The following TTC23 variants were observed in gnomAD, a reference collection of about 807,000 sequenced individuals.
TTC23 encodes tetratricopeptide repeat domain 23.
In TTC23, 58 loss-of-function variants were observed where a neutral mutation model predicts 55.1. The observed-to-expected ratio is 1.05, with a 90% CI of 0.85 to 1.31. TTC23 has a LOEUF of 1.31. Among genes scored for constraint, TTC23 ranks in the 50% most tolerant of loss-of-function variants. The pLI, the probability that TTC23 is intolerant of heterozygous loss-of-function variation, is 0.00. For missense variants in TTC23, 516 were observed against 534.4 expected (o/e 0.97, Z 0.34); for synonymous variants, 203 against 199.9 (o/e 1.02, Z -0.13).
intron 9 of TTC23, among the ~76,000 whole-genome samples, chr15:99,175,370 A>G (rs1031438377): frequency 6.6e-6 from 1 of 152,246 alleles, no homozygotes; most frequent in African/African-American, 2.4e-5. Context: ...AGATGGCTCA[A>G]TGCTATGGCC....
chr15:99,162,162 A>G (rs1471905917), intron 10 of TTC23, among the ~76,000 whole-genome samples: 1 of 152,180 alleles, frequency 6.6e-6, no homozygotes, highest in Non-Finnish European at 1.5e-5. Flanking sequence ...CACACTGGTA[A>G]GTTTTCAGGT....
upstream of TTC23, among the ~76,000 whole-genome samples, chr15:99,250,362 A>G (rs1243168180): frequency 6.6e-6 from 1 of 152,228 alleles, no homozygotes; most frequent in Non-Finnish European, 1.5e-5. Flanking sequence ...TTTATTTAAT[A>G]TAACTCTGCT....
At chr15:99,171,644 C>G (rs1172096575) in intron 10 of TTC23, among the ~76,000 whole-genome samples, 1 of 143,450 alleles carries the variant, frequency 7.0e-6, no homozygotes, top group African/African-American at 2.6e-5. Context: ...CTCACGGCAA[C>G]CTCTGCCTCC....
intron 11 of TTC23, chr15:99,161,226 T>C (rs1430624646): frequency 6.6e-6 from 1 of 152,534 alleles, no homozygotes; most frequent in Non-Finnish European, 1.5e-5. Context: ...AAAGCAATGG[T>C]ATGTTAGGCT....
intron 9 of TTC23, among the ~76,000 whole-genome samples, chr15:99,190,715 C>G (rs1170882814): frequency 1.3e-5 from 2 of 152,146 alleles, no homozygotes; most frequent in African/African-American, 4.8e-5. Context: ...CTGAGAGTGA[C>G]AAGACCTACA....
At chr15:99,231,692 C>A (rs994129556) in intron 4 of TTC23, among the ~76,000 whole-genome samples, 31 of 151,876 alleles carry the variant, frequency 2.0e-4, no homozygotes, top group Non-Finnish European at 3.2e-4. Flanking sequence ...TAGGGTTTCA[C>A]CGTGTTAGCC....
intron 4 of TTC23, 91 bp from the exon 5 acceptor site, chr15:99,228,823 T>A: frequency 7.4e-6 from 8 of 1,079,064 alleles, no homozygotes; most frequent in Non-Finnish European, 1.0e-5. Context: ...CCATAATTTC[T>A]TTGAAATTAG....
intron 4 of TTC23, among the ~76,000 whole-genome samples, chr15:99,233,473 T>A (rs1484192600): frequency 6.6e-6 from 1 of 151,912 alleles, no homozygotes; most frequent in Non-Finnish European, 1.5e-5. Flanking sequence ...GCCCAAAATA[T>A]TAATAAAAAA....
chr15:99,230,896 A>C (rs1364575539), intron 4 of TTC23, among the ~76,000 whole-genome samples: 4 of 152,236 alleles, frequency 2.6e-5, no homozygotes, highest in Non-Finnish European at 5.9e-5. Context: ...CTAGTTCTAC[A>C]AAACAGACGA....
intron 6 of TTC23, among the ~76,000 whole-genome samples, chr15:99,221,238 C>A (rs2077896503): frequency 6.6e-6 from 1 of 152,124 alleles, no homozygotes; most frequent in Non-Finnish European, 1.5e-5. Flanking sequence ...AAAATTGAAT[C>A]CTGGTCACAT....
chr15:99,157,575 G>T (rs2070784037), intron 11 of TTC23: 1 of 152,164 alleles, frequency 6.6e-6, no homozygotes, highest in African/African-American at 2.4e-5. Context: ...TCTTACAGAA[G>T]TGAAAATATA....
intron 10 of TTC23, among the ~76,000 whole-genome samples, chr15:99,164,867 G>A (rs2071846571): frequency 6.6e-6 from 1 of 152,168 alleles, no homozygotes; most frequent in Non-Finnish European, 1.5e-5. Context: ...GCTGCTTCTT[G>A]GAGGCAGCAG....
chr15:99,173,203 C>T (rs2073153164), intron 10 of TTC23, among the ~76,000 whole-genome samples: 1 of 152,222 alleles, frequency 6.6e-6, no homozygotes, highest in South Asian at 2.1e-4. Context: ...CAACCTGTCA[C>T]TCTTGCTTTC....
At chr15:99,198,831 G>A (rs2075962048) in intron 9 of TTC23, among the ~76,000 whole-genome samples, 1 of 152,198 alleles carries the variant, frequency 6.6e-6, no homozygotes, top group South Asian at 2.1e-4. Flanking sequence ...AGTACTCTCA[G>A]GACCTTGTCA....
Position 99,203,033 on chromosome 15 carries a change from T to C in TTC23, c.582-2937A>G, listed in dbSNP as rs556010084. 3.9e-5 allele frequency among the ~76,000 whole-genome samples: 6 copies of C among 152,322 alleles called. No individual in the cohort carries two copies. In the South Asian group the frequency reaches 1.0e-3, roughly 26 times the overall value. On this transcript the variant is annotated intron_variant, in intron 8 of 13. Transcript: ENST00000394132. ...CACCATATGCAACAGCCTCAGTTTG[T>C]TCCCATGTTGAAATGGGCTCAATTG...
At chr15:99,184,477 G>T (rs2151952485) in intron 9 of TTC23, among the ~76,000 whole-genome samples, 1 of 152,346 alleles carries the variant, frequency 6.6e-6, no homozygotes, top group South Asian at 2.1e-4. Context: ...TGGAGTCAAA[G>T]GAGATCATTT....
At chr15:99,238,873 C>T (rs2079537726) in intron 3 of TTC23, among the ~76,000 whole-genome samples, 1 of 150,644 alleles carries the variant, frequency 6.6e-6, no homozygotes, top group Non-Finnish European at 1.5e-5. Flanking sequence ...CAGTATACAG[C>T]ACTTTTCCAG....
intron 9 of TTC23, among the ~76,000 whole-genome samples, chr15:99,177,314 G>A (rs997288349): frequency 2.0e-5 from 3 of 152,176 alleles, no homozygotes; most frequent in Non-Finnish European, 2.9e-5. Context: ...TCTTATTACA[G>A]AATATAAAGA....
chr15:99,219,752 C>T (rs2077763838), intron 6 of TTC23, among the ~76,000 whole-genome samples: 1 of 152,058 alleles, frequency 6.6e-6, no homozygotes, highest in South Asian at 2.1e-4. Flanking sequence ...CTTTGCACGT[C>T]CCTGTATTCC....
Sources: gnomAD v4.1 joint callset for allele counts (sites outside exome capture counted in the v4.1 genomes callset) on GRCh38, gnomAD v4.1.1 for gene constraint, MANE v1.5 for transcripts, NCBI Gene and HGNC (gene_info 2026-07-23, HGNC 2026-07-21) for gene names.